Variants in RBBP8 observed in about 807,000 individuals in gnomAD.
The protein encoded by RBBP8 is DNA endonuclease RBBP8.
A neutral mutation model predicts 108.3 loss-of-function variants in RBBP8; 88 were observed. The observed-to-expected ratio is 0.81, with a 90% CI of 0.68 to 0.97. RBBP8 has a LOEUF of 0.97. Among genes scored for constraint, RBBP8 ranks in the 50% least tolerant of loss-of-function variants. The pLI is 0.00. For missense variants in RBBP8, 1,023 were observed against 1,049.0 expected (o/e 0.98, Z 0.34); for synonymous variants, 332 against 348.2 (o/e 0.95, Z 0.52).
intron 3 of RBBP8, among the ~76,000 whole-genome samples, chr18:22,918,364 T>C (rs932588021): frequency 6.6e-6 from 1 of 152,186 alleles, no homozygotes; most frequent in African/African-American, 2.4e-5. Context: ...ACACCTAGAC[T>C]ATATGGTATG....
At chr18:22,957,359 A>G (rs952363475) in intron 4 of RBBP8, among the ~76,000 whole-genome samples, 5 of 120,636 alleles carry the variant, frequency 4.1e-5, no homozygotes, top group African/African-American at 6.5e-5. Context: ...AAATGGCATT[A>G]CCTTCATCTC....
At chr18:22,960,172 C>T (rs939310491) in intron 4 of RBBP8, among the ~76,000 whole-genome samples, 3 of 152,052 alleles carry the variant, frequency 2.0e-5, no homozygotes, top group Admixed American at 2.0e-4. Context: ...GGATTACAGG[C>T]ATGAGCCACC....
chr18:22,931,535 T>G (rs1294090012), upstream of RBBP8, among the ~76,000 whole-genome samples: 1 of 152,226 alleles, frequency 6.6e-6, no homozygotes, highest in Non-Finnish European at 1.5e-5. Flanking sequence ...TTTTTTATCC[T>G]TTAAAAATGC....
rs2045975349 is a variant in RBBP8 at position 23,003,120 on chromosome 18, C to G, written c.2287+1391C>G. ...TGTTTCCTAGAATATCCCCAAGACT[C>G]TTTCTTCCTCACAACTTTTCTCTCA... On this transcript the variant is annotated intron_variant, in intron 15 of 18. Transcript: ENST00000327155. Among the ~76,000 whole-genome samples, 3 of 152,304 alleles carry G rather than the reference C, an allele frequency of 2.0e-5. No individual in the cohort carries two copies. The South Asian group carries it at 6.2e-4, about 32-fold the overall frequency.
In RBBP8 at chr18:22,975,009, A is replaced by T; in HGVS notation, c.362-144A>T. 4 of 1,059,740 alleles carry T rather than the reference A, an allele frequency of 3.8e-6. No individual in the cohort carries two copies. In the South Asian group the frequency reaches 6.9e-5, roughly 18 times the overall value. The allele number at this position is 1,059,740 out of a possible 1,614,324, so 65.6% of individuals were successfully genotyped here. ...CTAGTAACGAATTAGTTTTGCGCAC[A>T]CTAGTGTTAACCCTGAATAAACATT... On this transcript the variant is annotated intron_variant, in intron 5 of 18. Coordinates refer to ENST00000327155, the MANE Select transcript of RBBP8 (RefSeq NM_002894.3).
intron 1 of RBBP8, among the ~76,000 whole-genome samples, chr18:22,936,020 A>G (rs73396892): frequency 0.07 from 10,605 of 152,256 alleles, 421 homozygotes; most frequent in Middle Eastern, 0.12. Context: ...ATATGTGTAT[A>G]TATGTGGATG....
intron 2 of RBBP8, among the ~76,000 whole-genome samples, chr18:22,940,600 G>A (rs1598639357): frequency 1.3e-5 from 2 of 151,918 alleles, no homozygotes; most frequent in East Asian, 1.9e-4. Context: ...GATTACAGGC[G>A]TGAGCCACTG....
intron 4 of RBBP8, among the ~76,000 whole-genome samples, chr18:22,967,379 A>AG (rs1427387332): frequency 6.6e-6 from 1 of 151,658 alleles, no homozygotes; most frequent in Non-Finnish European, 1.5e-5. Context: ...AAAAAAAAAA[A>AG]AACAATTATC....
intron 18 of RBBP8, among the ~76,000 whole-genome samples, chr18:23,022,651 T>TAAAATAAAATAAAATAAATAAAATAAA (rs370599195): frequency 1.1e-4 from 9 of 84,358 alleles, no homozygotes; most frequent in South Asian, 7.3e-4. Context: ...TAAAATACAA[T>TAAAATAAAATAAAATAAATAAAATAAA]ATAAAATAAA....
At chr18:22,976,406 T>A (rs1052480249) in intron 6 of RBBP8, among the ~76,000 whole-genome samples, 6 of 152,138 alleles carry the variant, frequency 3.9e-5, no homozygotes, top group Admixed American at 2.6e-4. Context: ...CCACAATCTG[T>A]TACATAGAAT....
intron 17 of RBBP8, among the ~76,000 whole-genome samples, chr18:23,021,161 G>A (rs1291595499): frequency 6.6e-6 from 1 of 152,174 alleles, no homozygotes; most frequent in Non-Finnish European, 1.5e-5. Context: ...TGTAATCCCA[G>A]CACTTTGGGA....
At chr18:22,925,644 T>C (rs1320066026) in intron 3 of RBBP8, among the ~76,000 whole-genome samples, 3 of 152,242 alleles carry the variant, frequency 2.0e-5, no homozygotes, top group Non-Finnish European at 4.4e-5. Context: ...GATGATTTTT[T>C]CACATGGACA....
chr18:23,004,233 A>G (rs1307443600), intron 15 of RBBP8, among the ~76,000 whole-genome samples: 3 of 152,176 alleles, frequency 2.0e-5, no homozygotes, highest in Non-Finnish European at 4.4e-5. Flanking sequence ...CTAAGTGTCT[A>G]CTTACAGATA....
chr18:22,948,750 T>G (rs965854690), intron 3 of RBBP8, among the ~76,000 whole-genome samples: 3 of 152,204 alleles, frequency 2.0e-5, no homozygotes, highest in African/African-American at 7.2e-5. Flanking sequence ...TTCAAGGGAC[T>G]GGGAGAAGGT....
At chr18:22,958,985 C>T (rs1912835513) in intron 4 of RBBP8, among the ~76,000 whole-genome samples, 1 of 152,180 alleles carries the variant, frequency 6.6e-6, no homozygotes, top group Non-Finnish European at 1.5e-5. Flanking sequence ...TATTTCATTT[C>T]TCTCATGTTA....
intron 3 of RBBP8, among the ~76,000 whole-genome samples, chr18:22,917,369 C>T (rs796099769): frequency 3.9e-4 from 59 of 152,328 alleles, no homozygotes; most frequent in Admixed American, 1.7e-3. Flanking sequence ...CTACAAATTA[C>T]GTTCCCCTTG....
chr18:22,943,021 A>T (rs1911233500), intron 2 of RBBP8, among the ~76,000 whole-genome samples: 1 of 152,040 alleles, frequency 6.6e-6, no homozygotes, highest in Non-Finnish European at 1.5e-5. Context: ...CTCTAATAGG[A>T]CAGGATAAAT....
chr18:22,946,487 G>T lies in RBBP8; in HGVS notation c.152+1G>T, dbSNP rs768080162. ...CCAAGCTAAAACAGGAACGAATCTTGTAAGTATCAGTATGTAATACTCATG... is the reference window on the plus strand; with the variant it reads ...CCAAGCTAAAACAGGAACGAATCTTTTAAGTATCAGTATGTAATACTCATG... On this transcript the variant is annotated splice_donor_variant, in intron 3 of 18. Transcript: ENST00000327155. LOFTEE classifies it high-confidence loss of function. The T allele has an allele frequency of 6.2e-7, 1 of 1,612,224 alleles. No individual in the cohort carries two copies. Among genetic ancestry groups the T allele is most frequent in the Non-Finnish European group, 8.5e-7 (1 of 1,179,086 alleles).
intron 17 of RBBP8, among the ~76,000 whole-genome samples, chr18:23,018,193 G>A (rs2046293894): frequency 6.6e-6 from 1 of 151,924 alleles, no homozygotes; most frequent in Admixed American, 6.6e-5. Context: ...GAGTAGCTGG[G>A]ATTACAGGCA....
Sources: gnomAD v4.1 joint callset for allele counts (sites outside exome capture counted in the v4.1 genomes callset) on GRCh38, gnomAD v4.1.1 for gene constraint, MANE v1.5 for transcripts, NCBI Gene and HGNC (gene_info 2026-07-23, HGNC 2026-07-21) for gene names.